Variants in KCNIP4 observed in about 807,000 individuals in gnomAD.
KCNIP4 encodes potassium voltage-gated channel interacting protein 4, also known as Kv channel-interacting protein 4.
KCNIP4 carries 12 observed loss-of-function variants against 34.0 expected under a neutral mutation model. The ratio of observed to expected loss-of-function variants is 0.35; its 90% confidence interval spans 0.23 to 0.57. The LOEUF (loss-of-function observed/expected upper bound fraction) is 0.57, where lower values mean the gene tolerates loss of function less well. Ranked by LOEUF, KCNIP4 falls within the 20% of genes least tolerant of loss-of-function variation. The probability of loss-of-function intolerance (pLI) is 0.83; values close to 1 mark genes in which losing one functional copy is unlikely to be tolerated. For missense variants in KCNIP4, 238 were observed against 311.7 expected, an observed-to-expected ratio of 0.76 and a Z score of 1.78; for synonymous variants, 124 against 102.2, an observed-to-expected ratio of 1.21 and a Z score of -1.29.
At chr4:21,050,566 C>A (rs1560677755) in intron 1 of KCNIP4, among the ~76,000 whole-genome samples, 2 of 152,174 alleles carry the variant, frequency 1.3e-5, no homozygotes, top group African/African-American at 4.8e-5. Flanking sequence ...ATAAAAATCT[C>A]TCTTACAAAC....
chr4:20,799,422 T>C (rs1294809718), intron 3 of KCNIP4, among the ~76,000 whole-genome samples: 2 of 152,178 alleles, frequency 1.3e-5, no homozygotes, highest in Non-Finnish European at 2.9e-5. Context: ...ATAGCCATGC[T>C]TTCTGGAGCT....
intron 1 of KCNIP4, among the ~76,000 whole-genome samples, chr4:21,826,021 C>T (rs1722659566): frequency 6.6e-6 from 1 of 151,946 alleles, no homozygotes; most frequent in South Asian, 2.1e-4. Flanking sequence ...GCTCAAAGAA[C>T]CTAAAGTGCA....
intron 1 of KCNIP4, among the ~76,000 whole-genome samples, chr4:21,398,409 A>T (rs921977175): frequency 6.6e-6 from 1 of 152,186 alleles, no homozygotes; most frequent in East Asian, 1.9e-4. Flanking sequence ...AAGATGACCT[A>T]TGTCATTTTA....
At chr4:21,788,847 G>A (rs770692075) in intron 1 of KCNIP4, among the ~76,000 whole-genome samples, 16 of 151,940 alleles carry the variant, frequency 1.1e-4, no homozygotes, top group African/African-American at 1.9e-4. Flanking sequence ...GGCTGAGGTG[G>A]GCGGATCACG....
At chr4:20,772,168 T>G (rs376037318) in intron 3 of KCNIP4, among the ~76,000 whole-genome samples, 12 of 152,298 alleles carry the variant, frequency 7.9e-5, no homozygotes, top group African/African-American at 2.6e-4. Flanking sequence ...TGAGTTTGAC[T>G]GCAAATCTTT....
chr4:21,932,810 G>GA (rs1729644191), intron 1 of KCNIP4, among the ~76,000 whole-genome samples: 1 of 151,078 alleles, frequency 6.6e-6, no homozygotes, highest in South Asian at 2.1e-4. Context: ...TATTATCTAA[G>GA]AAAAAAAGGA....
chr4:21,301,067 G>A (rs1209665129), intron 1 of KCNIP4, among the ~76,000 whole-genome samples: 1 of 152,076 alleles, frequency 6.6e-6, no homozygotes, highest in Non-Finnish European at 1.5e-5. Context: ...ATAAACATAT[G>A]ACATGGATCT....
intron 1 of KCNIP4, among the ~76,000 whole-genome samples, chr4:21,680,736 CA>C (rs1750281938): frequency 6.6e-6 from 1 of 152,136 alleles, no homozygotes; most frequent in Non-Finnish European, 1.5e-5. Flanking sequence ...GGCGCATTGT[CA>C]ATGAGCAGTA....
At chr4:21,785,610 T>TAAATAAATAAAGAAATAAATA (rs1553931494) in intron 1 of KCNIP4, among the ~76,000 whole-genome samples, 1 of 147,570 alleles carries the variant, frequency 6.8e-6, no homozygotes, top group African/African-American at 2.6e-5. Context: ...AATAAATAAA[T>TAAATAAATAAAGAAATAAATA]AAATAAAATA....
At chr4:21,233,120 G>T (rs183607084) in intron 1 of KCNIP4, among the ~76,000 whole-genome samples, 1 of 152,274 alleles carries the variant, frequency 6.6e-6, no homozygotes, top group African/African-American at 2.4e-5. Context: ...ATAGTAAGGT[G>T]TTAGCCAAAC....
At chr4:20,831,841 T>A (rs1057122678) in intron 3 of KCNIP4, among the ~76,000 whole-genome samples, 1 of 152,186 alleles carries the variant, frequency 6.6e-6, no homozygotes, top group African/African-American at 2.4e-5. Flanking sequence ...AGTAAATTGC[T>A]CTGTTGTGTG....
At chr4:20,882,574 C>G in intron 2 of KCNIP4, 34 bp downstream of exon 2, 4 of 1,448,850 alleles carry the variant, frequency 2.8e-6, no homozygotes, top group Admixed American at 1.7e-5. Context: ...ACAAGAGTTT[C>G]GGAGGAAAAA....
At chr4:21,871,498 T>C (rs1387962946) in intron 1 of KCNIP4, among the ~76,000 whole-genome samples, 1 of 151,632 alleles carries the variant, frequency 6.6e-6, no homozygotes, top group Non-Finnish European at 1.5e-5. Flanking sequence ...TGTAGGGACA[T>C]GGATGAAGCT....
At chr4:21,082,567 T>C (rs935618254) in intron 1 of KCNIP4, among the ~76,000 whole-genome samples, 1 of 151,802 alleles carries the variant, frequency 6.6e-6, no homozygotes, top group Non-Finnish European at 1.5e-5. Flanking sequence ...AAGTCTTACT[T>C]TCCACTCTAT....
chr4:21,884,606 A>G (rs1726654180), intron 1 of KCNIP4, among the ~76,000 whole-genome samples: 1 of 152,094 alleles, frequency 6.6e-6, no homozygotes, highest in Admixed American at 6.6e-5. Context: ...AAGCAGAAAG[A>G]AAAAGAGAAA....
chr4:21,000,920 C>T (rs904086692), intron 1 of KCNIP4, among the ~76,000 whole-genome samples: 1 of 152,132 alleles, frequency 6.6e-6, no homozygotes, highest in Non-Finnish European at 1.5e-5. Context: ...TACATGCTTC[C>T]ACTCCCAATT....
At chr4:21,921,537 C>T (rs969584867) in intron 1 of KCNIP4, among the ~76,000 whole-genome samples, 8 of 152,164 alleles carry the variant, frequency 5.3e-5, no homozygotes, top group African/African-American at 1.9e-4. Context: ...ATAGCCAAAA[C>T]CGAATTGGTT....
intron 1 of KCNIP4, among the ~76,000 whole-genome samples, chr4:21,187,455 T>C (rs1755317336): frequency 6.6e-6 from 1 of 152,216 alleles, no homozygotes; most frequent in Admixed American, 6.5e-5. Context: ...GAGTGAGACC[T>C]GCTCTGTCAT....
intron 1 of KCNIP4, among the ~76,000 whole-genome samples, chr4:21,249,536 G>A (rs1336878363): frequency 1.3e-5 from 2 of 151,840 alleles, no homozygotes; most frequent in East Asian, 3.9e-4. Context: ...CGTTGATCTT[G>A]GTGGAAAGAA....
Sources: allele counts gnomAD v4.1 joint callset (sites outside exome capture counted in the v4.1 genomes callset), GRCh38; gene constraint gnomAD v4.1.1; transcripts MANE v1.5; gene names NCBI Gene and HGNC (gene_info 2026-07-23, HGNC 2026-07-21).